The following UBXN7 variants were observed in gnomAD, a reference collection of about 807,000 sequenced individuals.
UBXN7 encodes UBX domain protein 7.
Under a neutral mutation model 58.0 loss-of-function variants are expected in UBXN7, and 9 were observed. That is an observed-to-expected ratio of 0.16 (90% CI 0.09 to 0.27). UBXN7 has a LOEUF of 0.27. Among genes scored for constraint, UBXN7 ranks in the 10% least tolerant of loss-of-function variants. The pLI is 1.00. For synonymous variants in UBXN7, 208 were observed against 205.0 expected, an observed-to-expected ratio of 1.01 and a Z score of -0.12; for missense variants, 328 against 599.6, an observed-to-expected ratio of 0.55 and a Z score of 4.73.
chr3:196,396,437 A>G (rs1177144195), intron 3 of UBXN7, among the ~76,000 whole-genome samples: 1 of 151,784 alleles, frequency 6.6e-6, no homozygotes, highest in Non-Finnish European at 1.5e-5. Flanking sequence ...AAATAACTAG[A>G]TATCTGAAAC....
chr3:196,430,385 TAA>T (rs1185028768), intron 1 of UBXN7, among the ~76,000 whole-genome samples: 1 of 146,336 alleles, frequency 6.8e-6, no homozygotes, highest in Non-Finnish European at 1.5e-5. Flanking sequence ...ATAATAATAA[TAA>T]GTGGCTTTTT....
chr3:196,405,708 A>G (rs1291567333), intron 2 of UBXN7, among the ~76,000 whole-genome samples: 4 of 152,164 alleles, frequency 2.6e-5, no homozygotes, highest in African/African-American at 7.2e-5. Context: ...AGACTTGATT[A>G]CTACATTATC....
At chr3:196,411,721 G>A (rs183856418) in intron 1 of UBXN7, among the ~76,000 whole-genome samples, 3 of 152,224 alleles carry the variant, frequency 2.0e-5, no homozygotes, top group African/African-American at 7.2e-5. Flanking sequence ...TGAGACAGGA[G>A]AATCGCTTAA....
intron 1 of UBXN7, among the ~76,000 whole-genome samples, chr3:196,413,791 C>T (rs1283657659): frequency 6.6e-6 from 1 of 152,090 alleles, no homozygotes; most frequent in African/African-American, 2.4e-5. Context: ...TCCAAGGATA[C>T]CAAAATTTGA....
chr3:196,383,317 G>A (rs1729273208), intron 5 of UBXN7, among the ~76,000 whole-genome samples: 1 of 152,006 alleles, frequency 6.6e-6, no homozygotes, highest in South Asian at 2.1e-4. Flanking sequence ...GACCTACAGA[G>A]AAGAGACTTA....
At chr3:196,389,299 C>T (rs1361243902) in intron 5 of UBXN7, among the ~76,000 whole-genome samples, 1 of 152,138 alleles carries the variant, frequency 6.6e-6, no homozygotes, top group African/African-American at 2.4e-5. Context: ...AGACATCTAA[C>T]CTGACATCTT....
chr3:196,422,847 G>A (rs1362245579), intron 1 of UBXN7, among the ~76,000 whole-genome samples: 2 of 152,124 alleles, frequency 1.3e-5, no homozygotes, highest in Non-Finnish European at 2.9e-5. Context: ...CCCCAAACTG[G>A]AAAGTGTCCT....
chr3:196,368,123 C>T lies in UBXN7; in HGVS notation c.739G>A (p.Val247Ile). 4 of 1,614,020 alleles carry T rather than the reference C, an allele frequency of 2.5e-6. No homozygotes were observed. Among genetic ancestry groups the T allele is most frequent in the Non-Finnish European group, 2.5e-6 (3 of 1,179,964 alleles). The part of the protein sequence containing the change: ...QKLVEWHQLD[V>I]SSFLDQVTGF... ...GTCACTTGGTCCAAGAAAGAAGATACATCTAACTGGTGCCATTCTACTAGC... is the reference window on the plus strand; with the variant it reads ...GTCACTTGGTCCAAGAAAGAAGATATATCTAACTGGTGCCATTCTACTAGC... The change falls in exon 8 of 11, where the codon GTA (valine) becomes ATA (isoleucine). Residue 247 changes from valine to isoleucine, a missense_variant. Val to Ile is a conservative substitution (Grantham distance 29, BLOSUM62 3). Around this residue, in one of 4 missense-constraint regions of UBXN7, gnomAD observed 126 missense variants for 302.6 expected, o/e 0.42. Coordinates refer to ENST00000296328, the MANE Select transcript of UBXN7 (RefSeq NM_015562.2).
rs967974467 is a variant in UBXN7, at chr3:196,348,113, T to C, written c.*8572A>G. 2 of 152,146 alleles carry C rather than the reference T, an allele frequency of 1.3e-5. No individual in the cohort carries two copies. The highest frequency in any genetic ancestry group is 4.8e-5 in the African/African-American group (2 of 41,410). 9.4% of individuals were successfully genotyped at this position (152,146 alleles called of 1,614,324 possible). On this transcript the variant is annotated 3_prime_UTR_variant, in exon 11 of 11. Coordinates refer to ENST00000296328, the MANE Select transcript of UBXN7 (RefSeq NM_015562.2). ...GTAGTTACAACTCTGCGTTACCTAATGGCATGTTTTTCTCCTCTTACAAGT... is the reference window on the plus strand; with the variant it reads ...GTAGTTACAACTCTGCGTTACCTAACGGCATGTTTTTCTCCTCTTACAAGT...
chr3:196,411,048 A>G (rs1249376847), intron 1 of UBXN7, among the ~76,000 whole-genome samples: 3 of 152,112 alleles, frequency 2.0e-5, no homozygotes, highest in Non-Finnish European at 4.4e-5. Flanking sequence ...GCTGAAATCA[A>G]CCGAAATGTT....
intron 1 of UBXN7, among the ~76,000 whole-genome samples, chr3:196,428,874 T>A (rs73088741): frequency 0.011 from 1,655 of 152,016 alleles, 37 homozygotes; most frequent in African/African-American, 0.038. Flanking sequence ...TAATCTTTTT[T>A]AATCAGCCAT....
chr3:196,402,249 G>C (rs976911006), intron 3 of UBXN7, among the ~76,000 whole-genome samples: 2 of 152,070 alleles, frequency 1.3e-5, no homozygotes, highest in African/African-American at 4.8e-5. Flanking sequence ...TTGAACTCCC[G>C]GCCTCGAGTG....
intron 10 of UBXN7, among the ~76,000 whole-genome samples, chr3:196,357,387 A>C (rs1417979981): frequency 6.6e-6 from 1 of 152,246 alleles, no homozygotes; most frequent in Non-Finnish European, 1.5e-5. Context: ...CTCCAGCCAC[A>C]GCAAACGGCC....
intron 1 of UBXN7, among the ~76,000 whole-genome samples, chr3:196,425,577 CTT>C (rs778001293): frequency 2.0e-5 from 3 of 152,064 alleles, no homozygotes; most frequent in Non-Finnish European, 2.9e-5. Flanking sequence ...AATTAAAACC[CTT>C]GACTCCCCAC....
intron 5 of UBXN7, among the ~76,000 whole-genome samples, chr3:196,382,344 A>T (rs1729233841): frequency 6.6e-6 from 1 of 152,240 alleles, no homozygotes; most frequent in South Asian, 2.1e-4. Context: ...CGACATTCTT[A>T]AAGAAAAGAA....
In UBXN7 at chr3:196,407,299, A is replaced by T; in HGVS notation, c.168T>A (p.Ala56=). The change falls in exon 2 of 11, where the codon GCT becomes GCA. Residue 56 remains alanine, a synonymous_variant. Transcript: ENST00000296328. ...TTGCTGAACTGGTACTGGGCTCTTC[A>T]GCGATTCCTCCACCATCCAAAAACA... The part of the protein sequence containing the change: ...VTMFLDGGGI[A]EEPSTSSASV... The T allele has an allele frequency of 6.2e-7, 1 of 1,614,190 alleles. No homozygotes were observed. Among genetic ancestry groups the T allele is most frequent in the Non-Finnish European group, 8.5e-7 (1 of 1,180,036 alleles).
chr3:196,394,217 G>C (rs576640962), intron 3 of UBXN7, among the ~76,000 whole-genome samples: 241 of 147,402 alleles, frequency 1.6e-3, no homozygotes, highest in Non-Finnish European at 2.7e-3. Flanking sequence ...GAACCTAGGA[G>C]ACAGAGGTTG....
chr3:196,366,882 C>T (rs1728685127), intron 8 of UBXN7, among the ~76,000 whole-genome samples: 1 of 152,006 alleles, frequency 6.6e-6, no homozygotes, highest in African/African-American at 2.4e-5. Flanking sequence ...GAACAAGATC[C>T]TGCCCAAAGA....
Position 196,350,988 on chromosome 3 carries a change from C to G in UBXN7, c.*5697G>C, listed in dbSNP as rs573900342. The stretch of plus-strand genomic sequence containing the variant: ...CTGCCATGTTCACCAGAAGAGCTGT[C>G]TCTTCCTATGCTCATTACATTTTAG... On this transcript the variant is annotated 3_prime_UTR_variant, in exon 11 of 11. Coordinates refer to ENST00000296328, the MANE Select transcript of UBXN7 (RefSeq NM_015562.2). 6.6e-6 allele frequency: 1 copy of G among 152,356 alleles called. No individual in the cohort carries two copies. The highest frequency in any genetic ancestry group is 2.1e-4 in the South Asian group (1 of 4,826). 9.4% of individuals were successfully genotyped at this position (152,356 alleles called of 1,614,324 possible).
Sources: gnomAD v4.1 joint callset for allele counts (sites outside exome capture counted in the v4.1 genomes callset) on GRCh38, gnomAD v4.1.1 for gene constraint, gnomAD v4.1.1 regional missense constraint, MANE v1.5 for transcripts, NCBI Gene and HGNC (gene_info 2026-07-23, HGNC 2026-07-21) for gene names.